Variants in DNAH11 observed in about 807,000 individuals in gnomAD.
The protein encoded by DNAH11 is dynein axonemal heavy chain 11.
DNAH11 carries 442 observed loss-of-function variants against 526.0 expected under a neutral mutation model. The observed-to-expected ratio is 0.84, with a 90% CI of 0.78 to 0.91. DNAH11 has a LOEUF of 0.91. Among genes scored for constraint, DNAH11 ranks in the 40% least tolerant of loss-of-function variants. DNAH11 has a pLI of 0.00. For synonymous variants in DNAH11, 2,461 were observed against 1,935.9 expected (o/e 1.27, Z -7.12); for missense variants, 6,989 against 5,448.7 (o/e 1.28, Z -8.90).
At chr7:21,735,236 T>G (rs986618716) in intron 45 of DNAH11, among the ~76,000 whole-genome samples, 1 of 152,232 alleles carries the variant, frequency 6.6e-6, no homozygotes, top group South Asian at 2.1e-4. Context: ...CTTGACTTCT[T>G]GAACATTTTC....
At chr7:21,728,546 G>T (rs1177812326) in intron 45 of DNAH11, among the ~76,000 whole-genome samples, 2 of 151,914 alleles carry the variant, frequency 1.3e-5, no homozygotes. Context: ...GGCATGAGCC[G>T]CCACGCCCGG....
chr7:21,729,556 C>T (rs1045210960), intron 45 of DNAH11, among the ~76,000 whole-genome samples: 1 of 152,186 alleles, frequency 6.6e-6, no homozygotes, highest in Non-Finnish European at 1.5e-5. Flanking sequence ...TAGGCCACAT[C>T]TTCAACACTT....
chr7:21,553,734 G>T (rs897672320), intron 2 of DNAH11, among the ~76,000 whole-genome samples: 2 of 152,010 alleles, frequency 1.3e-5, no homozygotes, highest in East Asian at 1.9e-4. Flanking sequence ...TCTGTCATTC[G>T]CCTTGTCTCC....
rs886062192 is a variant in DNAH11 at position 21,901,518 on chromosome 7, G to A, written c.*264G>A. On this transcript the variant is annotated 3_prime_UTR_variant, in exon 82 of 82. Coordinates refer to ENST00000409508, the MANE Select transcript of DNAH11 (RefSeq NM_001277115.2). ...TAGGAGGCAAAGGTTGCAGTGAGCC[G>A]AGGTTGCACCACTGCACTCCCTCCT... 3.1e-5 allele frequency: 9 copies of A among 290,560 alleles called. No individual in the cohort carries two copies. In the East Asian group the frequency reaches 4.3e-4, roughly 14 times the overall value. 18.0% of individuals were successfully genotyped at this position (290,560 alleles called of 1,614,324 possible). A position where few individuals can be genotyped will look rare whatever the true frequency, so the allele number is the denominator to read the frequency against.
chr7:21,729,627 A>G (rs376263831), intron 45 of DNAH11, among the ~76,000 whole-genome samples: 1 of 152,178 alleles, frequency 6.6e-6, no homozygotes, highest in Non-Finnish European at 1.5e-5. Context: ...TATCTTACAC[A>G]GAACACTAGA....
chr7:21,837,506 G>A (rs1000703244), intron 65 of DNAH11, among the ~76,000 whole-genome samples: 29 of 152,070 alleles, frequency 1.9e-4, no homozygotes, highest in African/African-American at 6.8e-4. Context: ...GCTCTCATTC[G>A]TGTTATCTAA....
chr7:21,854,556 A>C, intron 68 of DNAH11, 101 bp downstream of exon 68: 1 of 1,244,294 alleles, frequency 8.0e-7, no homozygotes, highest in Non-Finnish European at 1.1e-6. Flanking sequence ...AATAACTATT[A>C]TTACTATTAT....
intron 9 of DNAH11, among the ~76,000 whole-genome samples, chr7:21,584,518 G>A (rs1784420802): frequency 6.6e-6 from 1 of 152,134 alleles, no homozygotes; most frequent in African/African-American, 2.4e-5. Flanking sequence ...CATGGCACAT[G>A]TATACCTATG....
rs1785389067 is a variant in DNAH11 at position 21,731,608 on chromosome 7, A to G, written c.7441-4032A>G. Among the ~76,000 whole-genome samples, 2 of 152,336 alleles carry G rather than the reference A, an allele frequency of 1.3e-5. 1 individual carries two copies. Among genetic ancestry groups the G allele is most frequent in the South Asian group, 4.1e-4 (2 of 4,826 alleles). On this transcript the variant is annotated intron_variant, in intron 45 of 81. Coordinates refer to ENST00000409508, the MANE Select transcript of DNAH11 (RefSeq NM_001277115.2). ...AAATAAAAGTTCAAACAAAAAAGCA[A>G]ACCTGTACAGTAGTCCCTCACTTAT... is the stretch of plus-strand genomic sequence containing the variant.
chr7:21,867,472 T>G (rs1221101625), intron 71 of DNAH11, among the ~76,000 whole-genome samples: 2 of 152,192 alleles, frequency 1.3e-5, no homozygotes, highest in Non-Finnish European at 2.9e-5. Context: ...CAAAAAGCAT[T>G]TGTATATTCA....
chr7:21,623,872 G>C (rs1309878284), intron 25 of DNAH11, among the ~76,000 whole-genome samples: 1 of 151,554 alleles, frequency 6.6e-6, no homozygotes, highest in Non-Finnish European at 1.5e-5. Context: ...GCTAAATGAC[G>C]AGTTAATGGG....
chr7:21,606,368 A>T (rs1207578196), intron 18 of DNAH11, 58 bp from the exon 19 acceptor site: 1 of 1,288,024 alleles, frequency 7.8e-7, no homozygotes, highest in African/African-American at 1.5e-5. Flanking sequence ...TTAATCCTAT[A>T]GGGTTGATTT....
intron 68 of DNAH11, among the ~76,000 whole-genome samples, chr7:21,859,537 A>G (rs1782976880): frequency 6.6e-6 from 1 of 152,234 alleles, no homozygotes; most frequent in South Asian, 2.1e-4. Context: ...CATTTCAGAT[A>G]AGACATATTC....
chr7:21,576,173 C>G (rs1784088323), intron 8 of DNAH11, among the ~76,000 whole-genome samples: 1 of 152,056 alleles, frequency 6.6e-6, no homozygotes, highest in Non-Finnish European at 1.5e-5. Flanking sequence ...ATGGTATTAT[C>G]CCTTGAGGAG....
intron 30 of DNAH11, among the ~76,000 whole-genome samples, chr7:21,672,140 G>A (rs762754767): frequency 6.6e-6 from 1 of 152,116 alleles, no homozygotes; most frequent in Non-Finnish European, 1.5e-5. Context: ...AAGATGAGAG[G>A]TCCTCGTTGC....
intron 20 of DNAH11, among the ~76,000 whole-genome samples, chr7:21,611,559 C>G (rs538141763): frequency 1.3e-5 from 2 of 152,258 alleles, no homozygotes; most frequent in South Asian, 4.1e-4. Context: ...TCGATAGATT[C>G]AGGAAATTCA....
At chr7:21,572,848 T>C (rs571287736) in intron 8 of DNAH11, among the ~76,000 whole-genome samples, 1 of 152,154 alleles carries the variant, frequency 6.6e-6, no homozygotes, top group Non-Finnish European at 1.5e-5. Flanking sequence ...CACTACACTT[T>C]GTGAAAAAGT....
intron 45 of DNAH11, among the ~76,000 whole-genome samples, chr7:21,731,828 G>A (rs1562515196): frequency 1.3e-5 from 2 of 152,144 alleles, no homozygotes; most frequent in African/African-American, 4.8e-5. Flanking sequence ...TGACCAGGTC[G>A]ATTGTTGTGT....
intron 79 of DNAH11, among the ~76,000 whole-genome samples, chr7:21,895,415 C>T (rs1348079441): frequency 6.6e-6 from 1 of 152,198 alleles, no homozygotes; most frequent in African/African-American, 2.4e-5. Context: ...TTCTCATAGA[C>T]AACCTTTGAA....
Sources: allele counts gnomAD v4.1 joint callset (sites outside exome capture counted in the v4.1 genomes callset), GRCh38; gene constraint gnomAD v4.1.1; transcripts MANE v1.5; gene names NCBI Gene and HGNC (gene_info 2026-07-23, HGNC 2026-07-21).